FOXM1: variants seen among roughly 807,000 people sequenced by gnomAD.
The protein encoded by FOXM1 is forkhead box protein M1.
Under a neutral mutation model 63.6 loss-of-function variants are expected in FOXM1, and 25 were observed. The ratio of observed to expected loss-of-function variants is 0.39; its 90% CI spans 0.29 to 0.55. The LOEUF (loss-of-function observed/expected upper bound fraction) is 0.55, where lower values mean the gene tolerates loss of function less well. Ranked by LOEUF, FOXM1 falls within the 20% of genes least tolerant of loss-of-function variation. The probability of loss-of-function intolerance (pLI) is 0.60; values close to 1 mark genes in which losing one functional copy is unlikely to be tolerated. For synonymous variants in FOXM1, 387 were observed against 376.9 expected (o/e 1.03, Z -0.31); for missense variants, 879 against 958.7 (o/e 0.92, Z 1.10).
chr12:2,861,976 C>T (rs897925976), intron 8 of FOXM1, among the ~76,000 whole-genome samples: 8 of 152,012 alleles, frequency 5.3e-5, no homozygotes, highest in African/African-American at 1.2e-4. Flanking sequence ...GTCAGGAGCT[C>T]GAGACCAGCC....
rs2098094629 is a variant in FOXM1, at chr12:2,858,060, ACT to A, written c.*576_*577del. ...GAGGTGGCAGGGAGGGGCAAAAAGG[ACT>A]CTGGCAAGCAGATCCACTTGTCTGG... is the stretch of plus-strand genomic sequence containing the variant. On this transcript the variant is annotated 3_prime_UTR_variant, in exon 9 of 9. Transcript: ENST00000359843. 1 of 152,608 alleles carries A rather than the reference ACT, an allele frequency of 6.6e-6. No individual in the cohort carries two copies. Among genetic ancestry groups the A allele is most frequent in the African/African-American group, 2.4e-5 (1 of 41,408 alleles). The allele number at this position is 152,608 out of a possible 1,614,324, so 9.5% of individuals were successfully genotyped here.
At chr12:2,865,643 C>CTTTTT (rs58125017) in intron 5 of FOXM1, among the ~76,000 whole-genome samples, 1 of 67,982 alleles carries the variant, frequency 1.5e-5, no homozygotes, top group Non-Finnish European at 2.9e-5. Context: ...CTAAGGCAGG[C>CTTTTT]TTTTTTTTTT....
chr12:2,875,567 G>A (rs1248296771), intron 1 of FOXM1, among the ~76,000 whole-genome samples: 1 of 152,138 alleles, frequency 6.6e-6, no homozygotes, highest in Admixed American at 6.5e-5. Context: ...TATTTATACA[G>A]TGGCATTTTA....
intron 3 of FOXM1, among the ~76,000 whole-genome samples, chr12:2,870,137 T>G (rs113635047): frequency 0.025 from 3,762 of 151,900 alleles, 57 homozygotes; most frequent in Non-Finnish European, 0.036. Context: ...ATTATAGGCA[T>G]GTACTACTGC....
At chr12:2,871,938 G>A (rs2098133894) in intron 3 of FOXM1, among the ~76,000 whole-genome samples, 158 bp downstream of exon 3, 1 of 152,140 alleles carries the variant, frequency 6.6e-6, no homozygotes. Flanking sequence ...AAGATCCCAG[G>A]CAGAAAAATA....
At chr12:2,875,598 A>G (rs2098141221) in intron 1 of FOXM1, among the ~76,000 whole-genome samples, 1 of 152,196 alleles carries the variant, frequency 6.6e-6, no homozygotes, top group South Asian at 2.1e-4. Flanking sequence ...GTGGTTATAT[A>G]TATTTTAACT....
Position 2,874,182 on chromosome 12 carries a change from G to A in FOXM1, c.297C>T (p.Gly99=). Residue 99 remains glycine (G), a synonymous_variant, in exon 2 of 9, where the codon GGC becomes GGT. Transcript: ENST00000359843. The surrounding 1 kb of genome is among the most constrained non-coding windows in gnomAD (Gnocchi z 4.3). ...GGATGAATTTGTTGGGCCCACTACT[G>A]CCACTCTCTTTTCCCTTGGCAGTCA... The part of the protein sequence containing the change: ...TALTAKGKES[G]SSGPNKFILI... The A allele has an allele frequency of 6.2e-7, 1 of 1,614,146 alleles. No homozygotes were observed. The highest frequency in any genetic ancestry group is 8.5e-7 in the Non-Finnish European group (1 of 1,180,030).
At chr12:2,859,908 C>G in intron 8 of FOXM1, 1 of 480,720 alleles carries the variant, frequency 2.1e-6, no homozygotes, top group East Asian at 3.7e-5. Context: ...GCTTGTCTTA[C>G]ACTGTATACA....
intron 3 of FOXM1, among the ~76,000 whole-genome samples, chr12:2,869,340 G>T (rs568597050): frequency 6.6e-6 from 1 of 152,068 alleles, no homozygotes; most frequent in Non-Finnish European, 1.5e-5. Flanking sequence ...CTGGATCACA[G>T]CTCACTGCAG....
In FOXM1 at chr12:2,872,514, C is replaced by T. The variant is rs1415889370; in HGVS notation, c.503-267G>A. On this transcript the variant is annotated intron_variant, in intron 2 of 8. Coordinates refer to ENST00000359843, the MANE Select transcript of FOXM1 (RefSeq NM_021953.4). This position sits in a 1 kb window ranked among gnomAD's most constrained non-coding sequence, Gnocchi z 4.0. ...GTCCCAGCTACTCAGGAGGCTGAGA[C>T]AGGAGAATTGCTCGAACCCGGGAGA... Among the ~76,000 whole-genome samples the T allele has an allele frequency of 6.6e-6, 1 of 152,104 alleles. No homozygotes were observed. Among genetic ancestry groups the T allele is most frequent in the East Asian group, 1.9e-4 (1 of 5,192 alleles).
At chr12:2,861,198 G>T in intron 8 of FOXM1, 8 of 580,378 alleles carry the variant, frequency 1.4e-5, no homozygotes, top group East Asian at 3.4e-5. Context: ...CTCACAAATT[G>T]ATAACAAAAC....
At chr12:2,861,405 C>A in intron 8 of FOXM1, 2 of 611,606 alleles carry the variant, frequency 3.3e-6, no homozygotes, top group South Asian at 4.1e-5. Flanking sequence ...CACCTGTTCC[C>A]CAAAAACCTA....
chr12:2,864,242 T>G lies in FOXM1; in HGVS notation c.1266+78A>C, dbSNP rs2098119005. On this transcript the variant is annotated intron_variant, in intron 8 of 8. Coordinates refer to ENST00000359843, the MANE Select transcript of FOXM1 (RefSeq NM_021953.4). This position sits in a 1 kb window ranked among gnomAD's most constrained non-coding sequence, Gnocchi z 5.1. ...TTTATAAGCTCTCAAGGAACACTTATCAGAGTGCTTTGCAAGCTGAAGGTC... is the reference window on the plus strand; with the variant it reads ...TTTATAAGCTCTCAAGGAACACTTAGCAGAGTGCTTTGCAAGCTGAAGGTC... The G allele has an allele frequency of 7.7e-7, 1 of 1,299,984 alleles. No homozygotes were observed. The highest frequency in any genetic ancestry group is 1.1e-6 in the Non-Finnish European group (1 of 929,050). 80.5% of individuals were successfully genotyped at this position (1,299,984 alleles called of 1,614,324 possible). A position where few individuals can be genotyped will look rare whatever the true frequency, so the allele number is the denominator to read the frequency against.
chr12:2,858,921 AG>A lies in FOXM1; in HGVS notation c.2008del (p.Glu671AsnfsTer12), dbSNP rs745702333. On this transcript the variant is annotated frameshift_variant, in exon 9 of 9. Transcript: ENST00000359843. LOFTEE classifies it high-confidence loss of function. ...STTPLQSAPP[L>X]ESPQRLLSSE... is the part of the protein sequence containing the mutation. The stretch of plus-strand genomic sequence containing the variant: ...ACTGAGGAGCCTTTGCGGTGATTCA[AG>A]GGGGGGAGCACTTTGCAAGGGAGTG... The A allele has an allele frequency of 1.2e-6, 2 of 1,613,648 alleles. No homozygotes were observed. The highest frequency in any genetic ancestry group is 8.5e-7 in the Non-Finnish European group (1 of 1,179,942).
In FOXM1 at chr12:2,864,690, C is replaced by T. The variant is rs1565468913; in HGVS notation, c.1083G>A (p.Leu361=). ...CCACTCTCCCATACTAACGTGCGCC[C>T]AGGGGGAGTTCGGTTTTGATGGTCA... is the stretch of plus-strand genomic sequence containing the variant. ...RNMTIKTELP[L]GARRKMKPLL... The change falls in exon 7 of 9, where the codon CTG becomes CTA. Residue 361 remains leucine, a synonymous_variant. Transcript: ENST00000359843. This position sits in a 1 kb window ranked among gnomAD's most constrained non-coding sequence, Gnocchi z 5.1. 1 of 1,614,178 alleles carries T rather than the reference C, an allele frequency of 6.2e-7. No homozygotes were observed. The highest frequency in any genetic ancestry group is 8.5e-7 in the Non-Finnish European group (1 of 1,180,018).
In FOXM1 at chr12:2,876,496, G is replaced by GA. The variant is rs1352100820; in HGVS notation, c.-48+423dup. The GA allele has an allele frequency of 5.2e-5, 8 of 152,396 alleles. No homozygotes were observed. The East Asian group carries it at 1.4e-3, about 26-fold the overall frequency. 9.4% of individuals were successfully genotyped at this position (152,396 alleles called of 1,614,324 possible). A position where few individuals can be genotyped will look rare whatever the true frequency, so the allele number is the denominator to read the frequency against. On this transcript the variant is annotated intron_variant, in intron 1 of 8. Transcript: ENST00000359843. ...ATCTTGCTACATTCTCAAGAACCAGGAAAAGGGCCCTGCAAAAGGGTAAGT... is the reference window on the plus strand; with the variant it reads ...ATCTTGCTACATTCTCAAGAACCAGGAAAAAGGGCCCTGCAAAAGGGTAAGT...
Position 2,858,475 on chromosome 12 carries a change from A to G in FOXM1, c.*163T>C. On this transcript the variant is annotated 3_prime_UTR_variant, in exon 9 of 9. Coordinates refer to ENST00000359843, the MANE Select transcript of FOXM1 (RefSeq NM_021953.4). The stretch of plus-strand genomic sequence containing the variant: ...CTCTTGGGGAACACAAGGTCCCAGC[A>G]GTGGCTAGGGTGTGACTGCTACTTT... The G allele has an allele frequency of 1.6e-6, 1 of 610,888 alleles. No homozygotes were observed. Among genetic ancestry groups the G allele is most frequent in the Non-Finnish European group, 2.8e-6 (1 of 351,828 alleles). 37.8% of individuals were successfully genotyped at this position (610,888 alleles called of 1,614,324 possible). A position where few individuals can be genotyped will look rare whatever the true frequency, so the allele number is the denominator to read the frequency against.
chr12:2,874,136 G>C lies in FOXM1; in HGVS notation c.343C>G (p.Pro115Ala). 1 of 1,614,140 alleles carries C rather than the reference G, an allele frequency of 6.2e-7. No individual in the cohort carries two copies. Among genetic ancestry groups the C allele is most frequent in the Non-Finnish European group, 8.5e-7 (1 of 1,180,038 alleles). Reference protein sequence around the residue: ...KFILISCGGAPTQPPGLRPQT... With the variant: ...KFILISCGGAATQPPGLRPQT... ...GGCCGGAGTCCTGGAGGCTGAGTTG[G>C]GGCTCCCCCACAGCTGATGAGGATG... is the stretch of plus-strand genomic sequence containing the variant. Residue 115 changes from proline (P) to alanine (A), a missense_variant, in exon 2 of 9, where the codon CCA becomes GCA. By Grantham distance (27) the Pro-to-Ala change is conservative. This residue lies in a region of FOXM1 where 255 missense variants were observed against 292.4 expected (regional missense o/e 0.87). Transcript: ENST00000359843. This position sits in a 1 kb window ranked among gnomAD's most constrained non-coding sequence, Gnocchi z 4.3.
chr12:2,872,135 C>T lies in FOXM1; in HGVS notation c.615G>A (p.Glu205=). Residue 205 remains glutamate, a synonymous_variant, in exon 3 of 9, where the codon GAG becomes GAA. Transcript: ENST00000359843. This position sits in a 1 kb window ranked among gnomAD's most constrained non-coding sequence, Gnocchi z 4.0. Reference sequence around the variant, plus strand: ...GCTCCAGGTGACAATTCTCCTTTTCCTCCATCTCTTGCTTGATGCTGCGGG... The same window carrying T: ...GCTCCAGGTGACAATTCTCCTTTTCTTCCATCTCTTGCTTGATGCTGCGGG... The part of the protein sequence containing the change: ...LGSRSIKQEM[E]EKENCHLEQR... 2 of 1,614,222 alleles carry T rather than the reference C, an allele frequency of 1.2e-6. No individual in the cohort carries two copies. The highest frequency in any genetic ancestry group is 1.7e-6 in the Non-Finnish European group (2 of 1,180,036).
Sources: allele counts gnomAD v4.1 joint callset (sites outside exome capture counted in the v4.1 genomes callset), GRCh38; gene constraint gnomAD v4.1.1; regional missense constraint gnomAD v4.1.1; non-coding constraint Gnocchi (gnomAD v3.1); transcripts MANE v1.5; gene names NCBI Gene and HGNC (gene_info 2026-07-23, HGNC 2026-07-21).